The following CD163L1 variants were observed in gnomAD, a reference collection of about 807,000 sequenced individuals.
The protein encoded by CD163L1 is CD163 molecule like 1, also known as scavenger receptor cysteine-rich type 1 protein M160.
Under a neutral mutation model 165.4 loss-of-function variants are expected in CD163L1, and 124 were observed. The ratio of observed to expected loss-of-function variants is 0.75; its 90% confidence interval spans 0.65 to 0.87. CD163L1 has a LOEUF of 0.87. CD163L1 is among the 40% of genes least tolerant of loss of function. CD163L1 has a pLI of 0.00. For synonymous variants in CD163L1, 585 were observed against 662.2 expected, an observed-to-expected ratio of 0.88 and a Z score of 1.79; for missense variants, 1,525 against 1,799.9, an observed-to-expected ratio of 0.85 and a Z score of 2.76.
intron 4 of CD163L1, among the ~76,000 whole-genome samples, chr12:7,428,751 C>T (rs1184973588): frequency 6.6e-6 from 1 of 152,014 alleles, no homozygotes; most frequent in Non-Finnish European, 1.5e-5. Flanking sequence ...ATTTGATACT[C>T]TATTTTGCAC....
At chr12:7,322,885 G>A in the CD163L1 span, among the ~76,000 whole-genome samples, 1 of 152,130 alleles carries the variant, frequency 6.6e-6, no homozygotes, top group Non-Finnish European at 1.5e-5. Flanking sequence ...TGCATTTAAC[G>A]GAGTCCAAGG....
At chr12:7,379,811 G>A (rs1415331693) in intron 8 of CD163L1, among the ~76,000 whole-genome samples, 1 of 151,024 alleles carries the variant, frequency 6.6e-6, no homozygotes, top group Non-Finnish European at 1.5e-5. Flanking sequence ...AAAAGAAATT[G>A]GAGCTCGGGA....
intron 18 of CD163L1, among the ~76,000 whole-genome samples, chr12:7,362,205 TATATC>T (rs1946907726): frequency 1.5e-5 from 2 of 136,268 alleles, no homozygotes; most frequent in African/African-American, 2.8e-5. Flanking sequence ...ACATATATAA[TATATC>T]ATATGTATTA....
At chr12:7,416,887 T>C (rs895034659) in intron 4 of CD163L1, among the ~76,000 whole-genome samples, 4 of 152,130 alleles carry the variant, frequency 2.6e-5, no homozygotes, top group African/African-American at 7.2e-5. Flanking sequence ...CTTAGGACTG[T>C]CTTGGCCAAA....
chr12:7,380,335 A>ACTTATACATACATGTATGTGTGTATACG (rs1947362359), intron 8 of CD163L1, among the ~76,000 whole-genome samples: 1 of 112,386 alleles, frequency 8.9e-6, no homozygotes, highest in Non-Finnish European at 1.9e-5. Context: ...GTATGTATAC[A>ACTTATACATACATGTATGTGTGTATACG]CGTATACATA....
intron 18 of CD163L1, among the ~76,000 whole-genome samples, chr12:7,361,588 T>TA (rs946801269): frequency 3.9e-5 from 6 of 152,080 alleles, no homozygotes; most frequent in African/African-American, 1.2e-4. Flanking sequence ...GACAGCAAAC[T>TA]AAAAAATAGG....
chr12:7,399,515 C>CTTCCTCCCTTTCCCTGCTTTCCTT (rs1947872516), intron 6 of CD163L1, among the ~76,000 whole-genome samples: 1 of 13,198 alleles, frequency 7.6e-5, no homozygotes, highest in Non-Finnish European at 1.8e-4. Context: ...CTCCCTCCCT[C>CTTCCTCCCTTTCCCTGCTTTCCTT]CCTCTCTTTC....
At chr12:7,394,106 C>A (rs75176512) in intron 8 of CD163L1, among the ~76,000 whole-genome samples, 10,005 of 144,164 alleles carry the variant, frequency 0.069, 640 homozygotes, top group Admixed American at 0.21. Flanking sequence ...AAAACAAAAA[C>A]AAAAAAACAA....
chr12:7,438,748 G>A (rs780037297), intron 2 of CD163L1: 207 of 1,238,650 alleles, frequency 1.7e-4, no homozygotes, highest in Non-Finnish European at 2.2e-4. Context: ...CACTCAACAC[G>A]GGTTTTCTGC....
intron 7 of CD163L1, 124 bp from the exon 8 acceptor site, chr12:7,396,539 A>AT (rs1297864239): frequency 3.3e-6 from 3 of 899,244 alleles, no homozygotes; most frequent in South Asian, 1.8e-5. Context: ...CTGTGAAGGT[A>AT]TTTTTTCAGA....
intron 4 of CD163L1, among the ~76,000 whole-genome samples, chr12:7,421,680 T>A (rs1338494163): frequency 7.0e-6 from 1 of 142,614 alleles, no homozygotes; most frequent in African/African-American, 2.6e-5. Flanking sequence ...TACGTGCATA[T>A]GTACATATAC....
chr12:7,389,233 G>A (rs184965152), intron 8 of CD163L1, among the ~76,000 whole-genome samples: 1 of 152,276 alleles, frequency 6.6e-6, no homozygotes, highest in African/African-American at 2.4e-5. Context: ...CAGTGTTCAA[G>A]GGTTCCCTTT....
intron 8 of CD163L1, among the ~76,000 whole-genome samples, chr12:7,389,964 A>ATATATATATT (rs1174535955): frequency 1.5e-3 from 219 of 146,008 alleles, no homozygotes; most frequent in South Asian, 4.5e-3. Context: ...ATATATTTAT[A>ATATATATATT]TATATATATA....
At chr12:7,352,275 T>C (rs985816598), downstream of CD163L1, among the ~76,000 whole-genome samples, 15 of 152,110 alleles carry the variant, frequency 9.9e-5, no homozygotes, top group African/African-American at 2.4e-5. Flanking sequence ...TATTTATTCA[T>C]GAAAAATGAC....
Position 7,375,702 on chromosome 12 carries a change from G to A in CD163L1, c.2684C>T (p.Ser895Phe). Residue 895 changes from serine (S) to phenylalanine (F), a missense_variant and splice_region_variant, in exon 10 of 20, where the codon TCC becomes TTC. Physicochemically the swap from Ser to Phe is radical, Grantham distance 155 (BLOSUM62 -2). Transcript: ENST00000313599. Reference protein sequence around the residue: ...IHSREVGVVCSRYTDVRLVNG... With the variant: ...IHSREVGVVCFRYTDVRLVNG... ...TTAAGATTATTTAAAAATCTCACGG[G>A]AACAGACAACTCCAACTTCTCTGCT... 1 of 1,613,938 alleles carries A rather than the reference G, an allele frequency of 6.2e-7. No homozygotes were observed. Among genetic ancestry groups the A allele is most frequent in the East Asian group, 2.2e-5 (1 of 44,884 alleles).
Position 7,368,610 on chromosome 12 carries a change from T to C in CD163L1, c.4072+323A>G, listed in dbSNP as rs886725210. Among the ~76,000 whole-genome samples the C allele has an allele frequency of 2.6e-5, 4 of 151,532 alleles. No individual in the cohort carries two copies. The highest frequency in any genetic ancestry group is 9.7e-5 in the African/African-American group (4 of 41,316). ...GGCACGATCTCGGCTCACTGCAATC[T>C]CTGCTTCCTGGGTTTAAGTGATTCT... is the stretch of plus-strand genomic sequence containing the variant. On this transcript the variant is annotated intron_variant, in intron 16 of 19. Coordinates refer to ENST00000313599, the MANE Select transcript of CD163L1 (RefSeq NM_174941.6). The surrounding 1 kb of genome is among the most constrained non-coding windows in gnomAD (Gnocchi z 4.3).
At chr12:7,325,123 T>C in the CD163L1 span, among the ~76,000 whole-genome samples, 1 of 152,216 alleles carries the variant, frequency 6.6e-6, no homozygotes, top group East Asian at 1.9e-4. Context: ...CTCTAACCAA[T>C]GTGGTTCAGA....
At chr12:7,389,120 C>G (rs192464352) in intron 8 of CD163L1, among the ~76,000 whole-genome samples, 1 of 152,142 alleles carries the variant, frequency 6.6e-6, no homozygotes, top group African/African-American at 2.4e-5. Context: ...GGTATATACC[C>G]AGCAATAGGA....
At chr12:7,320,398 C>T in the CD163L1 span, among the ~76,000 whole-genome samples, 2 of 152,172 alleles carry the variant, frequency 1.3e-5, no homozygotes, top group South Asian at 4.1e-4. Flanking sequence ...TACAAGATTA[C>T]ACTATAAGAG....
Sources: allele counts gnomAD v4.1 joint callset (sites outside exome capture counted in the v4.1 genomes callset), GRCh38; gene constraint gnomAD v4.1.1; non-coding constraint Gnocchi (gnomAD v3.1); transcripts MANE v1.5; gene names NCBI Gene and HGNC (gene_info 2026-07-23, HGNC 2026-07-21).